POLR3C: variants seen among roughly 807,000 people sequenced by gnomAD.
The protein encoded by POLR3C is RNA polymerase III subunit C.
A neutral mutation model predicts 65.9 loss-of-function variants in POLR3C; 44 were observed. The ratio of observed to expected loss-of-function variants is 0.67; its 90% CI spans 0.52 to 0.86. The LOEUF is 0.86. Ranked by LOEUF, POLR3C falls within the 40% of genes least tolerant of loss-of-function variation. The probability of loss-of-function intolerance (pLI) is 0.00; values close to 1 mark genes in which losing one functional copy is unlikely to be tolerated. For synonymous variants in POLR3C, 263 were observed against 231.6 expected (o/e 1.14, Z -1.23); for missense variants, 576 against 653.2 (o/e 0.88, Z 1.29).
intron 1 of POLR3C, among the ~76,000 whole-genome samples, chr1:145,824,886 T>G (rs1243595659): frequency 6.6e-6 from 1 of 152,130 alleles, no homozygotes; most frequent in Non-Finnish European, 1.5e-5. Flanking sequence ...AACAGTGACC[T>G]TAATTCTTCC....
intron 8 of POLR3C, 34 bp from the exon 9 acceptor site, chr1:145,836,781 C>G: frequency 7.1e-7 from 1 of 1,412,918 alleles, no homozygotes; most frequent in Non-Finnish European, 1.0e-6. Flanking sequence ...ACTGGACTTT[C>G]CGTTCAGTTA....
Position 145,825,741 on chromosome 1 carries a change from G to A in POLR3C, c.-20-16G>A. The A allele has an allele frequency of 6.4e-7, 1 of 1,563,882 alleles. No homozygotes were observed. The highest frequency in any genetic ancestry group is 8.8e-7 in the Non-Finnish European group (1 of 1,138,706). On this transcript the variant is annotated splice_polypyrimidine_tract_variant and intron_variant, in intron 1 of 14. Transcript: ENST00000334163. Reference sequence around the variant, plus strand: ...GAAAGACTTTCTATTGTACCATTTTGGTGTTTTTTCCCTAGCTCTCAGACT... The same window carrying A: ...GAAAGACTTTCTATTGTACCATTTTAGTGTTTTTTCCCTAGCTCTCAGACT...
At position 145,833,366 on chromosome 1, in the gene POLR3C, T is replaced by C. The variant is rs1553727733; in HGVS notation, c.783+2T>C. The C allele has an allele frequency of 1.3e-6, 2 of 1,597,598 alleles. No homozygotes were observed. Among genetic ancestry groups the C allele is most frequent in the Non-Finnish European group, 1.7e-6 (2 of 1,165,096 alleles). On this transcript the variant is annotated splice_donor_variant, in intron 6 of 14. Coordinates refer to ENST00000334163, the MANE Select transcript of POLR3C (RefSeq NM_006468.8). LOFTEE classifies it high-confidence loss of function. ...GCAGTTGCTAACAGGATGGACCAGGTAATACCTAAGTGGGTCTGTCATTGG... is the reference window on the plus strand; with the variant it reads ...GCAGTTGCTAACAGGATGGACCAGGCAATACCTAAGTGGGTCTGTCATTGG...
At chr1:145,828,728 G>T in intron 4 of POLR3C, 21 bp from the exon 5 acceptor site, 1 of 1,507,868 alleles carries the variant, frequency 6.6e-7, no homozygotes, top group Non-Finnish European at 9.2e-7. Context: ...TAGTCTAAGT[G>T]TTTAATTGTT....
chr1:145,825,657 T>C, intron 1 of POLR3C, 100 bp from the exon 2 acceptor site: 1 of 630,402 alleles, frequency 1.6e-6, no homozygotes, highest in Admixed American at 3.4e-5. Flanking sequence ...ATATGTATTG[T>C]CAAATTGCCC....
rs1553725656 is a variant in POLR3C, at chr1:145,825,937, A to T, written c.147+14A>T. 1.9e-6 allele frequency: 3 copies of T among 1,586,032 alleles called. No individual in the cohort carries two copies. In the South Asian group the frequency reaches 3.4e-5, roughly 18 times the overall value. On this transcript the variant is annotated intron_variant, in intron 2 of 14. Coordinates refer to ENST00000334163, the MANE Select transcript of POLR3C (RefSeq NM_006468.8). ...TCACTGGATCAGGTATGTCTAAATG[A>T]CATTCATTTTCTCTCATTTCTTTCA...
rs587770438 is a variant in POLR3C, at chr1:145,825,939, A to G, written c.147+16A>G. 1 of 1,581,448 alleles carries G rather than the reference A, an allele frequency of 6.3e-7. No homozygotes were observed. The highest frequency in any genetic ancestry group is 2.2e-5 in the East Asian group (1 of 44,576). ...ACTGGATCAGGTATGTCTAAATGAC[A>G]TTCATTTTCTCTCATTTCTTTCACT... On this transcript the variant is annotated intron_variant, in intron 2 of 14. Coordinates refer to ENST00000334163, the MANE Select transcript of POLR3C (RefSeq NM_006468.8).
In POLR3C at chr1:145,834,772, G is replaced by T. The variant is rs79699282; in HGVS notation, c.876+1190G>T. Among the ~76,000 whole-genome samples the T allele has an allele frequency of 8.7e-3, 1,323 of 152,190 alleles. 20 individuals carry two copies. Among genetic ancestry groups the T allele is most frequent in the African/African-American group, 0.03 (1,262 of 41,518 alleles). ...ATAATATGGGACCACAGCTGCACAC[G>T]GTCCGTTGTTGACTAAAATGTTATA... On this transcript the variant is annotated intron_variant, in intron 7 of 14. Transcript: ENST00000334163.
At chr1:145,840,079 A>G in intron 12 of POLR3C, 37 bp from the exon 13 acceptor site, 4 of 1,573,424 alleles carry the variant, frequency 2.5e-6, no homozygotes, top group Non-Finnish European at 3.5e-6. Flanking sequence ...CTGAAATAGA[A>G]CTATGTGCAT....
intron 14 of POLR3C, 120 bp from the exon 15 acceptor site, chr1:145,842,219 C>G (rs1336045933): frequency 1.6e-6 from 1 of 638,576 alleles, no homozygotes; most frequent in Non-Finnish European, 2.8e-6. Context: ...CTCCTGCTTT[C>G]TTTCCATCCA....
intron 1 of POLR3C, 179 bp downstream of exon 1, chr1:145,824,548 G>C: frequency 7.8e-7 from 1 of 1,289,444 alleles, no homozygotes. Flanking sequence ...GACGAAATAG[G>C]TCTCTGGTGA....
rs587724762 is a variant in POLR3C at position 145,836,308 on chromosome 1, C to T, written c.877-186C>T. Among the ~76,000 whole-genome samples, 16 of 152,174 alleles carry T rather than the reference C, an allele frequency of 1.1e-4. No individual in the cohort carries two copies. The South Asian group carries it at 1.7e-3, about 16-fold the overall frequency. Reference sequence around the variant, plus strand: ...GCTAATTCTGTATTTTTACTAGAGACGGGGTTTCACCATATTGGTCAGGCT... The same window carrying T: ...GCTAATTCTGTATTTTTACTAGAGATGGGGTTTCACCATATTGGTCAGGCT... On this transcript the variant is annotated intron_variant, in intron 7 of 14. Transcript: ENST00000334163.
chr1:145,843,475 T>C lies in POLR3C; in HGVS notation c.*1055T>C, dbSNP rs953750836. On this transcript the variant is annotated 3_prime_UTR_variant, in exon 15 of 15. Transcript: ENST00000334163. ...GCCAGCCACCATACTAAACACAACA[T>C]ACAAGGATAGATAAATAAGACACCA... is the stretch of plus-strand genomic sequence containing the variant. Among the ~76,000 whole-genome samples the C allele has an allele frequency of 2.0e-5, 3 of 152,148 alleles. No homozygotes were observed. The highest frequency in any genetic ancestry group is 7.2e-5 in the African/African-American group (3 of 41,452).
intron 1 of POLR3C, 162 bp downstream of exon 1, chr1:145,824,531 G>A: frequency 1.1e-5 from 14 of 1,290,216 alleles, no homozygotes; most frequent in Non-Finnish European, 1.4e-5. Flanking sequence ...CCAAAGATAT[G>A]TGGATGGACG....
At chr1:145,833,449 C>A in intron 6 of POLR3C, 41 bp from the exon 7 acceptor site, 1 of 1,550,142 alleles carries the variant, frequency 6.5e-7, no homozygotes, top group Non-Finnish European at 8.9e-7. Context: ...GAGCCAGGGG[C>A]AGCACTGTGA....
At chr1:145,829,398 G>A (rs1291825450) in intron 5 of POLR3C, among the ~76,000 whole-genome samples, 2 of 152,130 alleles carry the variant, frequency 1.3e-5, no homozygotes, top group African/African-American at 2.4e-5. Context: ...TATCAGCCCA[G>A]TTTCCAAAAT....
chr1:145,825,284 T>G (rs1297245585), intron 1 of POLR3C, among the ~76,000 whole-genome samples: 2 of 151,992 alleles, frequency 1.3e-5, no homozygotes, highest in Admixed American at 6.6e-5. Context: ...AATTTTTTTG[T>G]GTGTTTTTAG....
intron 13 of POLR3C, 89 bp downstream of exon 13, chr1:145,840,254 G>A (rs1002848017): frequency 1.8e-5 from 15 of 836,438 alleles, no homozygotes; most frequent in Non-Finnish European, 2.6e-5. Flanking sequence ...ATCAATAGAC[G>A]CTGGGCCTGG....
At chr1:145,833,815 G>A (rs372180089) in intron 7 of POLR3C, among the ~76,000 whole-genome samples, 5 of 152,160 alleles carry the variant, frequency 3.3e-5, no homozygotes, top group African/African-American at 9.7e-5. Flanking sequence ...GTCAAGTACA[G>A]CCTATTCCTA....
Sources: gnomAD v4.1 joint callset for allele counts (sites outside exome capture counted in the v4.1 genomes callset) on GRCh38, gnomAD v4.1.1 for gene constraint, MANE v1.5 for transcripts, NCBI Gene and HGNC (gene_info 2026-07-23, HGNC 2026-07-21) for gene names.